The following BMPR1A variants were observed in gnomAD, a reference collection of about 807,000 sequenced individuals.
BMPR1A encodes the protein bone morphogenetic protein receptor type-1A.
Under a neutral mutation model 66.0 loss-of-function variants are expected in BMPR1A, and 7 were observed. The observed-to-expected ratio is 0.11, with a 90% CI of 0.06 to 0.20. The LOEUF is 0.20. Among genes scored for constraint, BMPR1A ranks in the 10% least tolerant of loss-of-function variants. The probability of loss-of-function intolerance (pLI) is 1.00; values close to 1 mark genes in which losing one functional copy is unlikely to be tolerated. For synonymous variants in BMPR1A, 200 were observed against 229.7 expected (o/e 0.87, Z 1.17); for missense variants, 408 against 669.1 (o/e 0.61, Z 4.31).
chr10:86,897,146 C>G (rs930544342), intron 5 of BMPR1A, among the ~76,000 whole-genome samples: 2 of 152,238 alleles, frequency 1.3e-5, no homozygotes, highest in Non-Finnish European at 2.9e-5. Context: ...TCAGTTCCTT[C>G]CTCATATACT....
In BMPR1A at chr10:86,817,862, A is replaced by G. The variant is rs118066736; in HGVS notation, c.-267-21003A>G. On this transcript the variant is annotated intron_variant, in intron 1 of 12. Transcript: ENST00000372037. ...AAGAGAACCCTTTCCAACTCATTCT[A>G]TGAGGCCAACATCACACTGACACCA... Among the ~76,000 whole-genome samples, 206 of 152,322 alleles carry G rather than the reference A, an allele frequency of 1.4e-3. 2 individuals are homozygous for G. In the East Asian group the frequency reaches 0.038, roughly 28 times the overall value.
intron 2 of BMPR1A, among the ~76,000 whole-genome samples, chr10:86,863,127 A>C (rs1340721901): frequency 6.6e-6 from 1 of 151,896 alleles, no homozygotes; most frequent in East Asian, 1.9e-4. Flanking sequence ...ACAGGCACCC[A>C]CCACCAGGCC....
At chr10:86,889,975 C>G in intron 3 of BMPR1A, 87 bp from the exon 4 acceptor site, 2 of 1,432,838 alleles carry the variant, frequency 1.4e-6, no homozygotes, top group Non-Finnish European at 2.0e-6. Context: ...GATAAGAAAG[C>G]TTAACAACTT....
intron 1 of BMPR1A, among the ~76,000 whole-genome samples, chr10:86,825,545 T>C (rs1213357863): frequency 5.3e-5 from 8 of 151,910 alleles, no homozygotes; most frequent in Admixed American, 5.3e-4. Context: ...GATGCAATGA[T>C]GGTTTACTGC....
chr10:86,828,414 C>T lies in BMPR1A; in HGVS notation c.-267-10451C>T, dbSNP rs550185344. Among the ~76,000 whole-genome samples the T allele has an allele frequency of 9.9e-5, 15 of 152,228 alleles. No individual in the cohort carries two copies. The South Asian group carries it at 1.9e-3, about 19-fold the overall frequency. ...AAGGGGAAAAAACGTAAAGGAAAGA[C>T]GGGTGCAAGCTAAAACAAATAAGCC... On this transcript the variant is annotated intron_variant, in intron 1 of 12. Transcript: ENST00000372037.
intron 2 of BMPR1A, among the ~76,000 whole-genome samples, chr10:86,861,298 G>C (rs1177165834): frequency 6.6e-6 from 1 of 152,208 alleles, no homozygotes; most frequent in Non-Finnish European, 1.5e-5. Flanking sequence ...GCAGGAATCT[G>C]TCATCTTGAG....
At chr10:86,784,449 C>T (rs562140722) in intron 1 of BMPR1A, among the ~76,000 whole-genome samples, 1 of 152,316 alleles carries the variant, frequency 6.6e-6, no homozygotes, top group South Asian at 2.1e-4. Flanking sequence ...AGGAATAAGG[C>T]TCCCTCAGTC....
chr10:86,877,066 A>G (rs1310022451), intron 3 of BMPR1A, among the ~76,000 whole-genome samples: 2 of 152,216 alleles, frequency 1.3e-5, no homozygotes, highest in Admixed American at 6.5e-5. Context: ...AGGATTTTAG[A>G]TAAAACTTAC....
intron 1 of BMPR1A, among the ~76,000 whole-genome samples, chr10:86,814,753 T>C (rs1042469227): frequency 2.0e-5 from 3 of 152,262 alleles, no homozygotes; most frequent in South Asian, 2.1e-4. Flanking sequence ...TGTTGTTTTG[T>C]TGTTTTGTTC....
At chr10:86,861,484 T>C (rs1842714164) in intron 2 of BMPR1A, among the ~76,000 whole-genome samples, 1 of 152,216 alleles carries the variant, frequency 6.6e-6, no homozygotes, top group African/African-American at 2.4e-5. Flanking sequence ...ACCTTCAGTG[T>C]GTTGTTTATG....
chr10:86,840,875 C>T (rs1349237378), intron 2 of BMPR1A, among the ~76,000 whole-genome samples: 1 of 152,236 alleles, frequency 6.6e-6, no homozygotes, highest in South Asian at 2.1e-4. Context: ...TGAATCCTCT[C>T]TTTCCGAATC....
chr10:86,840,888 C>T (rs1230505200), intron 2 of BMPR1A, among the ~76,000 whole-genome samples: 3 of 152,236 alleles, frequency 2.0e-5, no homozygotes, highest in Admixed American at 6.5e-5. Flanking sequence ...TCCGAATCCC[C>T]CTTCACCATC....
chr10:86,872,284 A>G (rs1157067322), intron 2 of BMPR1A, among the ~76,000 whole-genome samples: 2 of 152,226 alleles, frequency 1.3e-5, no homozygotes, highest in Non-Finnish European at 2.9e-5. Flanking sequence ...ACTTCTATTT[A>G]GCACCTACTA....
At chr10:86,914,692 T>A (rs559371512) in intron 8 of BMPR1A, among the ~76,000 whole-genome samples, 7 of 152,324 alleles carry the variant, frequency 4.6e-5, no homozygotes, top group African/African-American at 1.7e-4. Flanking sequence ...CTAGTATAGC[T>A]AAGACTGATA....
chr10:86,817,637 A>T (rs1842053786), intron 1 of BMPR1A, among the ~76,000 whole-genome samples: 1 of 152,184 alleles, frequency 6.6e-6, no homozygotes, highest in Non-Finnish European at 1.5e-5. Context: ...AGAAACACAA[A>T]ACCTACTAAG....
At chr10:86,918,843 G>A (rs1432384775) in intron 9 of BMPR1A, among the ~76,000 whole-genome samples, 4 of 152,000 alleles carry the variant, frequency 2.6e-5, no homozygotes, top group East Asian at 1.9e-4. Context: ...GGCTGGTCTC[G>A]AGCTCCTGAC....
At chr10:86,928,260 T>C (rs1843774745), downstream of BMPR1A, 2 of 150,912 alleles carry the variant, frequency 1.3e-5, no homozygotes, top group South Asian at 4.2e-4. Context: ...TTTGCTCTTG[T>C]TGCCCAGGCT....
intron 1 of BMPR1A, among the ~76,000 whole-genome samples, chr10:86,807,142 G>C (rs1160040436): frequency 6.6e-6 from 1 of 151,778 alleles, no homozygotes; most frequent in Non-Finnish European, 1.5e-5. Context: ...GGGTGTCATT[G>C]GTTCTAGCCA....
intron 1 of BMPR1A, among the ~76,000 whole-genome samples, chr10:86,767,619 A>T (rs1052581364): frequency 2.0e-5 from 3 of 152,190 alleles, no homozygotes; most frequent in African/African-American, 7.2e-5. Context: ...TCGAGACTGC[A>T]GTGAGCCATG....
Sources: gnomAD v4.1 joint callset for allele counts (sites outside exome capture counted in the v4.1 genomes callset) on GRCh38, gnomAD v4.1.1 for gene constraint, MANE v1.5 for transcripts, NCBI Gene and HGNC (gene_info 2026-07-23, HGNC 2026-07-21) for gene names.